The following ANK3 variants were observed in gnomAD, a reference collection of about 807,000 sequenced individuals.
ANK3 encodes the protein ankyrin 3.
In ANK3, 57 loss-of-function variants were observed where a neutral mutation model predicts 370.9. The ratio of observed to expected loss-of-function variants is 0.15; its 90% confidence interval spans 0.12 to 0.19. The LOEUF (loss-of-function observed/expected upper bound fraction) is 0.19, where lower values mean the gene tolerates loss of function less well. ANK3 is among the 10% of genes least tolerant of loss of function. The probability of loss-of-function intolerance (pLI) is 1.00; values close to 1 mark genes in which losing one functional copy is unlikely to be tolerated. For missense variants in ANK3, 4,439 were observed against 5,302.1 expected (o/e 0.84, Z 5.06); for synonymous variants, 1,929 against 1,946.3 (o/e 0.99, Z 0.23).
intron 26 of ANK3, among the ~76,000 whole-genome samples, chr10:60,110,609 C>T (rs962402107): frequency 2.6e-5 from 4 of 152,082 alleles, no homozygotes; most frequent in Admixed American, 2.6e-4. Context: ...GTTACCAATG[C>T]TAAAAGACAT....
chr10:60,501,844 A>T (rs2075807990), intron 2 of ANK3, among the ~76,000 whole-genome samples: 1 of 152,084 alleles, frequency 6.6e-6, no homozygotes, highest in Non-Finnish European at 1.5e-5. Flanking sequence ...AAAAATAGCC[A>T]GGCTTGGTGG....
intron 2 of ANK3, among the ~76,000 whole-genome samples, chr10:60,541,438 GA>G (rs756640768): frequency 6.6e-6 from 1 of 152,086 alleles, no homozygotes; most frequent in Non-Finnish European, 1.5e-5. Flanking sequence ...AGCAAACTCA[GA>G]TTTAGAAATG....
intron 1 of ANK3, among the ~76,000 whole-genome samples, chr10:60,702,670 T>A (rs1304261059): frequency 1.3e-5 from 2 of 152,186 alleles, no homozygotes; most frequent in Non-Finnish European, 2.9e-5. Context: ...AGATCTTCTC[T>A]TATAGAAGCA....
intron 36 of ANK3, 184 bp downstream of exon 36, chr10:60,080,353 G>C (rs2084899073): frequency 3.6e-6 from 2 of 561,318 alleles, no homozygotes; most frequent in Admixed American, 3.5e-5. Flanking sequence ...TATGAGCTAG[G>C]GGCGTTTTTA....
intron 1 of ANK3, among the ~76,000 whole-genome samples, chr10:60,662,603 A>C (rs2078948800): frequency 1.3e-5 from 2 of 152,224 alleles, no homozygotes; most frequent in South Asian, 4.1e-4. Context: ...ATTAAAAGAA[A>C]CATATAAAAT....
intron 2 of ANK3, among the ~76,000 whole-genome samples, chr10:60,474,919 A>C (rs770987575): frequency 1.3e-5 from 2 of 152,046 alleles, no homozygotes; most frequent in Admixed American, 6.6e-5. Flanking sequence ...TCTGCATTTA[A>C]ATTTTTTCTG....
At chr10:60,691,280 AC>A (rs1328356148) in intron 1 of ANK3, among the ~76,000 whole-genome samples, 6 of 152,262 alleles carry the variant, frequency 3.9e-5, no homozygotes, top group African/African-American at 1.4e-4. Flanking sequence ...ACAAACATGT[AC>A]CCCCGAATCT....
At chr10:60,571,302 C>A (rs1359951066) in intron 2 of ANK3, among the ~76,000 whole-genome samples, 1 of 152,210 alleles carries the variant, frequency 6.6e-6, no homozygotes, top group Non-Finnish European at 1.5e-5. Context: ...GACCTCAGAA[C>A]AGTCTGCTGG....
intron 1 of ANK3, among the ~76,000 whole-genome samples, chr10:60,729,210 T>G (rs1240215199): frequency 2.0e-5 from 3 of 152,226 alleles, no homozygotes. Flanking sequence ...CTATGTTTGA[T>G]GCTAATGAGC....
At chr10:60,145,976 G>T (rs753914355) in intron 23 of ANK3, 43 of 948,116 alleles carry the variant, frequency 4.5e-5, no homozygotes, top group Non-Finnish European at 6.7e-5. Flanking sequence ...ACTTTTCACC[G>T]TAAACTCTTG....
intron 1 of ANK3, among the ~76,000 whole-genome samples, chr10:60,380,099 A>G (rs1453365870): frequency 2.0e-5 from 3 of 152,148 alleles, no homozygotes; most frequent in Non-Finnish European, 2.9e-5. Context: ...TTATTTTAGC[A>G]TTAATAGAAT....
chr10:60,135,497 C>A (rs556030410), intron 24 of ANK3, among the ~76,000 whole-genome samples: 72 of 152,356 alleles, frequency 4.7e-4, no homozygotes, highest in African/African-American at 1.6e-3. Context: ...AGACATCCAG[C>A]CCCTTTTGTT....
At chr10:60,464,626 C>T (rs529259763) in intron 2 of ANK3, among the ~76,000 whole-genome samples, 19 of 152,232 alleles carry the variant, frequency 1.2e-4, no homozygotes, top group African/African-American at 3.6e-4. Flanking sequence ...CTTTAGCATA[C>T]GAAGATGGAA....
intron 1 of ANK3, among the ~76,000 whole-genome samples, chr10:60,683,474 T>C (rs1200223046): frequency 6.6e-6 from 1 of 152,226 alleles, no homozygotes; most frequent in Non-Finnish European, 1.5e-5. Context: ...TGTAGTACTT[T>C]GTCCTTATCC....
chr10:60,420,637 G>A lies in ANK3; in HGVS notation c.97-140998C>T, dbSNP rs113152891. 4.7e-3 allele frequency among the ~76,000 whole-genome samples: 722 copies of A among 152,106 alleles called. 2 individuals are homozygous for A. The highest frequency in any genetic ancestry group is 8.4e-3 in the Non-Finnish European group (571 of 67,972). The stretch of plus-strand genomic sequence containing the variant: ...AGTATTGTGCCTTGAATTAGTCTGT[G>A]TCAAAATGAACCATTATTACACCTG... On this transcript the variant is annotated intron_variant, in intron 2 of 43. Coordinates refer to the ANK3 transcript ENST00000373827.
intron 2 of ANK3, among the ~76,000 whole-genome samples, chr10:60,492,646 G>T (rs112787095): frequency 0.12 from 17,353 of 141,956 alleles, 1,251 homozygotes; most frequent in African/African-American, 0.2. Flanking sequence ...GGCAGAGGTT[G>T]CAGTGAGCCG....
intron 1 of ANK3, among the ~76,000 whole-genome samples, chr10:60,287,048 T>A (rs1476413996): frequency 6.6e-6 from 1 of 152,160 alleles, no homozygotes; most frequent in Non-Finnish European, 1.5e-5. Flanking sequence ...GTGGGTTTAT[T>A]TCCTGTCCAT....
intron 7 of ANK3, among the ~76,000 whole-genome samples, chr10:60,238,796 T>A (rs1188456812): frequency 6.6e-6 from 1 of 151,940 alleles, no homozygotes; most frequent in Non-Finnish European, 1.5e-5. Flanking sequence ...ACCTCTCACA[T>A]TTGCAGCACA....
intron 1 of ANK3, among the ~76,000 whole-genome samples, chr10:60,618,722 G>C (rs1158429406): frequency 3.3e-5 from 5 of 152,058 alleles, no homozygotes; most frequent in Admixed American, 3.3e-4. Flanking sequence ...GTGTCTGTCA[G>C]AGCAAATGCC....
Sources: gnomAD v4.1 joint callset for allele counts (sites outside exome capture counted in the v4.1 genomes callset) on GRCh38, gnomAD v4.1.1 for gene constraint, MANE v1.5 for transcripts, NCBI Gene and HGNC (gene_info 2026-07-23, HGNC 2026-07-21) for gene names.